CAMK1D: variants seen among roughly 807,000 people sequenced by gnomAD.
CAMK1D encodes the protein calcium/calmodulin-dependent protein kinase type 1D.
A neutral mutation model predicts 47.7 loss-of-function variants in CAMK1D; 9 were observed. That is an observed-to-expected ratio of 0.19 (90% confidence interval 0.11 to 0.33). The LOEUF (loss-of-function observed/expected upper bound fraction) is 0.33, where lower values mean the gene tolerates loss of function less well. Among genes scored for constraint, CAMK1D ranks in the 10% least tolerant of loss-of-function variants. The pLI is 1.00. For synonymous variants in CAMK1D, 184 were observed against 184.9 expected (o/e 0.99, Z 0.04); for missense variants, 291 against 488.7 (o/e 0.60, Z 3.81).
chr10:12,791,601 T>C (rs1038751353), intron 6 of CAMK1D, among the ~76,000 whole-genome samples: 6 of 152,214 alleles, frequency 3.9e-5, no homozygotes, highest in African/African-American at 1.4e-4. Flanking sequence ...TCAGGCATAT[T>C]TTACTTAGCA....
chr10:12,510,536 G>A (rs1835010104), intron 1 of CAMK1D, among the ~76,000 whole-genome samples: 1 of 152,204 alleles, frequency 6.6e-6, no homozygotes, highest in Admixed American at 6.5e-5. Flanking sequence ...CTTCGAACAA[G>A]CACATCTGAG....
At chr10:12,669,089 G>C (rs1840524272) in intron 3 of CAMK1D, among the ~76,000 whole-genome samples, 1 of 152,062 alleles carries the variant, frequency 6.6e-6, no homozygotes, top group South Asian at 2.1e-4. Context: ...AAAATTAGCT[G>C]GGCATGGTGG....
intron 5 of CAMK1D, among the ~76,000 whole-genome samples, chr10:12,770,510 A>C (rs1418412658): frequency 6.6e-6 from 1 of 152,220 alleles, no homozygotes; most frequent in Non-Finnish European, 1.5e-5. Context: ...AATGTATGTA[A>C]AGTTGCTACT....
chr10:12,631,346 C>G (rs144235682), intron 2 of CAMK1D, among the ~76,000 whole-genome samples: 1,827 of 152,254 alleles, frequency 0.012, 36 homozygotes, highest in African/African-American at 0.041. Context: ...TGCAGCATGC[C>G]TGGACAGAAC....
At chr10:12,698,317 T>C (rs910292686) in intron 3 of CAMK1D, among the ~76,000 whole-genome samples, 1 of 152,182 alleles carries the variant, frequency 6.6e-6, no homozygotes, top group Non-Finnish European at 1.5e-5. Context: ...TACCGAACCA[T>C]TGCTTCTAGG....
At chr10:12,724,439 A>ACTTCACT (rs1834527519) in intron 3 of CAMK1D, among the ~76,000 whole-genome samples, 1 of 152,226 alleles carries the variant, frequency 6.6e-6, no homozygotes, top group East Asian at 1.9e-4. Context: ...GATAGGAGTC[A>ACTTCACT]CTTCACTTAC....
At position 12,803,215 on chromosome 10, in the gene CAMK1D, C is replaced by T. The variant is rs774075368; in HGVS notation, c.642-10980C>T. On this transcript the variant is annotated intron_variant, in intron 6 of 10. Transcript: ENST00000619168. ...CGTACATGGTAGATGTGGTTATTAACGTTTATAGGACACATTCACTAGAAG... is the reference window on the plus strand; with the variant it reads ...CGTACATGGTAGATGTGGTTATTAATGTTTATAGGACACATTCACTAGAAG... 7.9e-5 allele frequency among the ~76,000 whole-genome samples: 12 copies of T among 152,318 alleles called. No individual in the cohort carries two copies. In the East Asian group the frequency reaches 2.3e-3, roughly 29 times the overall value.
intron 4 of CAMK1D, among the ~76,000 whole-genome samples, chr10:12,764,972 G>A (rs541391390): frequency 3.9e-5 from 6 of 152,296 alleles, no homozygotes; most frequent in African/African-American, 1.4e-4. Context: ...GCACATGCCT[G>A]TAATCCCAGC....
At chr10:12,464,902 A>G (rs1833546739) in intron 1 of CAMK1D, among the ~76,000 whole-genome samples, 1 of 152,144 alleles carries the variant, frequency 6.6e-6, no homozygotes, top group African/African-American at 2.4e-5. Context: ...CTTAAGAACC[A>G]TTCACAAGTC....
intron 1 of CAMK1D, among the ~76,000 whole-genome samples, chr10:12,370,070 G>T (rs1177515133): frequency 2.6e-5 from 4 of 151,844 alleles, no homozygotes; most frequent in African/African-American, 4.8e-5. Flanking sequence ...TACATACTGT[G>T]GCAAGTACAA....
chr10:12,454,310 G>C (rs1031742431), intron 1 of CAMK1D, among the ~76,000 whole-genome samples: 2 of 151,924 alleles, frequency 1.3e-5, no homozygotes, highest in African/African-American at 4.8e-5. Flanking sequence ...CTACAGGCGC[G>C]TGCCACCACG....
intron 2 of CAMK1D, among the ~76,000 whole-genome samples, chr10:12,657,932 A>G (rs960768559): frequency 6.6e-6 from 1 of 152,060 alleles, no homozygotes; most frequent in Non-Finnish European, 1.5e-5. Flanking sequence ...GGGCGGATCA[A>G]CTGAGGCCAG....
rs188388771 is a variant in CAMK1D at position 12,623,810 on chromosome 10, G to A, written c.225-42926G>A. ...ATTGCAATTAAGGGCCGGGTGTGGT[G>A]GCTCACACCTGTAATCCCAGCACCT... On this transcript the variant is annotated intron_variant, in intron 2 of 10. Coordinates refer to ENST00000619168, the MANE Select transcript of CAMK1D (RefSeq NM_153498.4). Among the ~76,000 whole-genome samples, 778 of 152,190 alleles carry A rather than the reference G, an allele frequency of 5.1e-3. 7 individuals carry two copies. The highest frequency in any genetic ancestry group is 0.018 in the African/African-American group (751 of 41,508).
intron 3 of CAMK1D, among the ~76,000 whole-genome samples, chr10:12,754,664 TCAGGGTGTCAG>T (rs1407727009): frequency 6.6e-6 from 1 of 152,122 alleles, no homozygotes; most frequent in Admixed American, 6.6e-5. Context: ...AAGTGCAAGA[TCAGGGTGTCAG>T]CAGGGTGTCA....
chr10:12,549,935 C>A (rs1232302215), intron 1 of CAMK1D, among the ~76,000 whole-genome samples: 1 of 152,192 alleles, frequency 6.6e-6, no homozygotes, highest in African/African-American at 2.4e-5. Flanking sequence ...CTGTTTCCTC[C>A]AAGCGAGGAA....
rs11289567 is a variant in CAMK1D at position 12,717,731 on chromosome 10, G to GA, written c.300-43201dup. 4.7e-3 allele frequency among the ~76,000 whole-genome samples: 567 copies of GA among 121,182 alleles called. 13 individuals are homozygous for GA. The highest frequency in any genetic ancestry group is 0.016 in the African/African-American group (450 of 28,710). 79.5% of individuals were successfully genotyped at this position (121,182 alleles called of 152,430 possible). A position where few individuals can be genotyped will look rare whatever the true frequency, so the allele number is the denominator to read the frequency against. ...AGAGGCTTTGTCTCTACAAAAAATTGAAAAAAAAAAAAAAAAGCTGGATGT... is the reference window on the plus strand; with the variant it reads ...AGAGGCTTTGTCTCTACAAAAAATTGAAAAAAAAAAAAAAAAAGCTGGATGT... On this transcript the variant is annotated intron_variant, in intron 3 of 10. Transcript: ENST00000619168.
intron 10 of CAMK1D, 88 bp from the exon 11 acceptor site, chr10:12,828,677 CATAA>C: frequency 9.8e-7 from 1 of 1,016,568 alleles, no homozygotes; most frequent in Non-Finnish European, 1.5e-6. Flanking sequence ...CGCCCCCCAC[CATAA>C]ACCCAGCCCC....
chr10:12,748,983 A>G (rs562763848), intron 3 of CAMK1D, among the ~76,000 whole-genome samples: 1 of 152,138 alleles, frequency 6.6e-6, no homozygotes, highest in Non-Finnish European at 1.5e-5. Context: ...TCTCTGTTCA[A>G]TTTGATTGTA....
intron 1 of CAMK1D, among the ~76,000 whole-genome samples, chr10:12,481,474 C>G: frequency 6.6e-6 from 1 of 152,144 alleles, no homozygotes; most frequent in East Asian, 1.9e-4. Flanking sequence ...AATAACCTGT[C>G]TCCCATGTTG....
Sources: allele counts gnomAD v4.1 joint callset (sites outside exome capture counted in the v4.1 genomes callset), GRCh38; gene constraint gnomAD v4.1.1; transcripts MANE v1.5; gene names NCBI Gene and HGNC (gene_info 2026-07-23, HGNC 2026-07-21).